The following PTPN5 variants were observed in gnomAD, a reference collection of about 807,000 sequenced individuals.
The protein encoded by PTPN5 is protein tyrosine phosphatase non-receptor type 5.
PTPN5 carries 29 observed loss-of-function variants against 73.9 expected under a neutral mutation model. The observed-to-expected ratio is 0.39, with a 90% confidence interval of 0.29 to 0.54. The LOEUF is 0.54. PTPN5 is among the 20% of genes least tolerant of loss of function. PTPN5 has a pLI of 0.65. For missense variants in PTPN5, 652 were observed against 751.4 expected (o/e 0.87, Z 1.55); for synonymous variants, 267 against 304.7 (o/e 0.88, Z 1.29).
chr11:18,790,610 C>T (rs570709963), intron 1 of PTPN5, among the ~76,000 whole-genome samples: 31 of 151,792 alleles, frequency 2.0e-4, no homozygotes, highest in Non-Finnish European at 4.6e-4. Context: ...TTTTTTGGTA[C>T]CATAGGTAGG....
chr11:18,770,817 C>A (rs921691409), intron 2 of PTPN5, among the ~76,000 whole-genome samples: 5 of 152,200 alleles, frequency 3.3e-5, no homozygotes, highest in African/African-American at 1.2e-4. Context: ...GGAGATCCAG[C>A]CTAGACCACC....
intron 1 of PTPN5, among the ~76,000 whole-genome samples, chr11:18,777,738 G>C (rs950761058): frequency 2.0e-5 from 3 of 152,304 alleles, no homozygotes; most frequent in South Asian, 4.2e-4. Flanking sequence ...TTGGGGCCAT[G>C]AGTTCGAGAC....
chr11:18,765,805 AC>A lies in PTPN5; in HGVS notation c.97+1del, dbSNP rs752216980. The stretch of plus-strand genomic sequence containing the variant: ...GAGGAGCTGGGTGCTGAGAAGACTC[AC>A]CCGGTAGCCTCTCACTGCAGCACAT... On this transcript the variant is annotated splice_donor_variant, in intron 3 of 14. Transcript: ENST00000358540. LOFTEE classifies it high-confidence loss of function. 82 of 1,563,106 alleles carry A rather than the reference AC, an allele frequency of 5.2e-5. 1 individual carries two copies. In the South Asian group the frequency reaches 6.7e-4, roughly 13 times the overall value.
chr11:18,767,874 A>C (rs561565428), intron 2 of PTPN5, among the ~76,000 whole-genome samples: 24 of 152,030 alleles, frequency 1.6e-4, no homozygotes, highest in Non-Finnish European at 2.9e-4. Context: ...CTCCCTCTTG[A>C]CCTCTGCACT....
chr11:18,743,902 C>G lies in PTPN5; in HGVS notation c.291+104G>C, dbSNP rs764701738. On this transcript the variant is annotated intron_variant, in intron 4 of 14. Transcript: ENST00000358540. The stretch of plus-strand genomic sequence containing the variant: ...GCTCCTGAGGAACACCAGGGAGGCC[C>G]CTTATCCTCCTGCCTTCCAGGTGGC... 82 of 1,347,992 alleles carry G rather than the reference C, an allele frequency of 6.1e-5. 1 individual carries two copies. Among genetic ancestry groups the G allele is most frequent in the Middle Eastern group, 2.4e-4 (1 of 4,186 alleles). 83.5% of individuals were successfully genotyped at this position (1,347,992 alleles called of 1,614,324 possible). A position where few individuals can be genotyped will look rare whatever the true frequency, so the allele number is the denominator to read the frequency against.
chr11:18,743,490 C>A (rs1849470843), intron 4 of PTPN5, 61 bp from the exon 5 acceptor site: 1 of 1,449,644 alleles, frequency 6.9e-7, no homozygotes, highest in Non-Finnish European at 9.7e-7. Flanking sequence ...GTTCCCCCAG[C>A]AGAGCTCACC....
chr11:18,777,963 GAAGGAAGGAAGGAAGAAAGAAAGAAAGA>G (rs1006991802), intron 1 of PTPN5, among the ~76,000 whole-genome samples: 2 of 74,638 alleles, frequency 2.7e-5, no homozygotes, highest in Non-Finnish European at 5.7e-5. Context: ...AGGAAGAAAG[GAAGGAAGGAAGGAAGAAAGAAAGAAAGA>G]AAGGAAGGAA....
chr11:18,791,363 C>T (rs1011865091), intron 1 of PTPN5, among the ~76,000 whole-genome samples, 162 bp downstream of exon 1: 2 of 152,198 alleles, frequency 1.3e-5, no homozygotes, highest in Non-Finnish European at 2.9e-5. Flanking sequence ...CCCCAGCATG[C>T]GGGCGCCCAG....
intron 2 of PTPN5, among the ~76,000 whole-genome samples, chr11:18,766,718 A>G (rs1850661085): frequency 6.6e-6 from 1 of 151,988 alleles, no homozygotes. Flanking sequence ...CAACCACTTG[A>G]CTCACAGGGG....
At chr11:18,762,246 G>GCCA (rs1223155245) in intron 3 of PTPN5, among the ~76,000 whole-genome samples, 2 of 152,172 alleles carry the variant, frequency 1.3e-5, no homozygotes, top group East Asian at 3.9e-4. Context: ...GAACGAATGA[G>GCCA]CCACCAGGCA....
chr11:18,736,572 G>A lies in PTPN5; in HGVS notation c.1000+1308C>T, dbSNP rs573664297. On this transcript the variant is annotated intron_variant, in intron 9 of 14. Transcript: ENST00000358540. ...TGAATGAGAGAACAAACCTCAGCGC[G>A]TCCTGGATCTCAGAGGCAGCCTCTG... is the stretch of plus-strand genomic sequence containing the variant. 2.5e-4 allele frequency among the ~76,000 whole-genome samples: 38 copies of A among 152,308 alleles called. 1 individual carries two copies. The South Asian group carries it at 7.2e-3, about 29-fold the overall frequency.
At chr11:18,764,859 C>T (rs1850565759) in intron 3 of PTPN5, among the ~76,000 whole-genome samples, 1 of 152,090 alleles carries the variant, frequency 6.6e-6, no homozygotes, top group Non-Finnish European at 1.5e-5. Flanking sequence ...ACTACAGGCG[C>T]CCGCCACCAC....
intron 3 of PTPN5, among the ~76,000 whole-genome samples, chr11:18,745,303 C>T (rs891492133): frequency 2.0e-5 from 3 of 152,212 alleles, no homozygotes; most frequent in Non-Finnish European, 2.9e-5. Context: ...CCAGCATAGC[C>T]GTTTGTCCAT....
At chr11:18,745,649 CCTCT>C (rs1564900554) in intron 3 of PTPN5, among the ~76,000 whole-genome samples, 3 of 152,146 alleles carry the variant, frequency 2.0e-5, no homozygotes. Flanking sequence ...GCACCCCATG[CCTCT>C]CTTTCATATC....
chr11:18,767,349 G>T (rs1251537167), intron 2 of PTPN5, among the ~76,000 whole-genome samples: 1 of 152,136 alleles, frequency 6.6e-6, no homozygotes, highest in Non-Finnish European at 1.5e-5. Flanking sequence ...AATTGCCAGG[G>T]TCTCTGAGAA....
At chr11:18,781,824 G>C (rs1851444891) in intron 1 of PTPN5, among the ~76,000 whole-genome samples, 1 of 152,098 alleles carries the variant, frequency 6.6e-6, no homozygotes, top group East Asian at 1.9e-4. Context: ...ATGCATTAAA[G>C]GCCCACTGAG....
At chr11:18,735,907 T>C (rs1344386808) in intron 9 of PTPN5, among the ~76,000 whole-genome samples, 1 of 152,126 alleles carries the variant, frequency 6.6e-6, no homozygotes, top group Non-Finnish European at 1.5e-5. Context: ...GAGGAGAGTG[T>C]GGAAGCCAGA....
intron 12 of PTPN5, among the ~76,000 whole-genome samples, chr11:18,731,225 G>T (rs1451589663): frequency 2.8e-5 from 4 of 144,274 alleles, no homozygotes; most frequent in Non-Finnish European, 3.0e-5. Flanking sequence ...AGGTATAATA[G>T]GATATGTATA....
chr11:18,781,463 G>C (rs953449960), intron 1 of PTPN5, among the ~76,000 whole-genome samples: 1 of 151,860 alleles, frequency 6.6e-6, no homozygotes, highest in Non-Finnish European at 1.5e-5. Context: ...GGGACTACAG[G>C]AGCCTGCCAC....
Sources: gnomAD v4.1 joint callset for allele counts (sites outside exome capture counted in the v4.1 genomes callset) on GRCh38, gnomAD v4.1.1 for gene constraint, MANE v1.5 for transcripts, NCBI Gene and HGNC (gene_info 2026-07-23, HGNC 2026-07-21) for gene names.